Variants in RBFOX1 observed in about 807,000 individuals in gnomAD.
RBFOX1 encodes RNA binding protein fox-1 homolog 1.
RBFOX1 carries 8 observed loss-of-function variants against 57.7 expected under a neutral mutation model. The ratio of observed to expected loss-of-function variants is 0.14; its 90% confidence interval spans 0.08 to 0.25. The LOEUF is 0.25. RBFOX1 is among the 10% of genes least tolerant of loss of function. The probability of loss-of-function intolerance (pLI) is 1.00; values close to 1 mark genes in which losing one functional copy is unlikely to be tolerated. For synonymous variants in RBFOX1, 326 were observed against 222.4 expected, an observed-to-expected ratio of 1.47 and a Z score of -4.15; for missense variants, 611 against 548.5, an observed-to-expected ratio of 1.11 and a Z score of -1.14.
chr16:6,546,246 G>A (rs990338803), intron 2 of RBFOX1, among the ~76,000 whole-genome samples: 14 of 152,164 alleles, frequency 9.2e-5, no homozygotes, highest in Admixed American at 1.3e-4. Flanking sequence ...CATTTTCATG[G>A]CACTCATATC....
At chr16:5,951,038 C>G (rs2059509458) in intron 4 of RBFOX1, among the ~76,000 whole-genome samples, 1 of 152,106 alleles carries the variant, frequency 6.6e-6, no homozygotes, top group South Asian at 2.1e-4. Context: ...AGACTAATTA[C>G]CAGGTACCTC....
chr16:7,332,682 C>G, intron 4 of RBFOX1: 3 of 823,052 alleles, frequency 3.6e-6, no homozygotes, highest in South Asian at 3.2e-5. Context: ...GTCTCTCTCT[C>G]TCTCTGAGAA....
intron 4 of RBFOX1, among the ~76,000 whole-genome samples, chr16:7,340,574 C>T (rs2096873118): frequency 6.6e-6 from 1 of 152,186 alleles, no homozygotes; most frequent in Non-Finnish European, 1.5e-5. Flanking sequence ...CCAACCAGGA[C>T]ATCCAACAAC....
chr16:5,608,220 T>C (rs2047655940), intron 3 of RBFOX1, among the ~76,000 whole-genome samples: 1 of 152,178 alleles, frequency 6.6e-6, no homozygotes, highest in African/African-American at 2.4e-5. Flanking sequence ...GTGGTTGTTG[T>C]TACCCTCACT....
At chr16:6,234,706 T>C (rs536101290) in intron 1 of RBFOX1, among the ~76,000 whole-genome samples, 56 of 152,246 alleles carry the variant, frequency 3.7e-4, no homozygotes, top group Non-Finnish European at 2.1e-4. Context: ...TAGAAATGAA[T>C]ACAACAAAGG....
Position 5,321,834 on chromosome 16 carries a change from G to A in RBFOX1, c.219+81729G>A, listed in dbSNP as rs17137817. The stretch of plus-strand genomic sequence containing the variant: ...CATGACGACCAGAGTCTGGGGAGAA[G>A]ATTCTGAGCCTGTCTTCATCCAAGG... On this transcript the variant is annotated intron_variant, in intron 1 of 2. Coordinates refer to the RBFOX1 transcript ENST00000585867. Among the ~76,000 whole-genome samples the A allele has an allele frequency of 2.1e-3, 320 of 152,250 alleles. 3 individuals are homozygous for A. The highest frequency in any genetic ancestry group is 0.015 in the East Asian group (80 of 5,176).
chr16:7,370,425 T>C (rs2097545166), intron 4 of RBFOX1, among the ~76,000 whole-genome samples: 1 of 152,228 alleles, frequency 6.6e-6, no homozygotes, highest in Non-Finnish European at 1.5e-5. Flanking sequence ...TTTCCAATTA[T>C]ATCTGCCAGG....
chr16:7,058,488 G>C (rs1330181084), intron 4 of RBFOX1, among the ~76,000 whole-genome samples: 2 of 152,252 alleles, frequency 1.3e-5, no homozygotes, highest in Admixed American at 6.5e-5. Flanking sequence ...GCACTTTGTA[G>C]CCTTGTACAT....
At chr16:7,333,383 T>G (rs2096727919) in intron 4 of RBFOX1, among the ~76,000 whole-genome samples, 1 of 152,216 alleles carries the variant, frequency 6.6e-6, no homozygotes, top group African/African-American at 2.4e-5. Context: ...TTTGCTCTCC[T>G]TCTCAGCTTT....
At chr16:7,151,256 C>G (rs190706139) in intron 4 of RBFOX1, among the ~76,000 whole-genome samples, 19 of 152,316 alleles carry the variant, frequency 1.2e-4, no homozygotes, top group African/African-American at 4.6e-4. Flanking sequence ...CCACATTTTT[C>G]TTGCCTTCAC....
rs568259417 is a variant in RBFOX1 at position 7,288,923 on chromosome 16, C to T, written c.28-229224C>T. On this transcript the variant is annotated intron_variant, in intron 4 of 15. Coordinates refer to ENST00000550418, the MANE Select transcript of RBFOX1 (RefSeq NM_018723.4). ...GGACATTGGCTATGCAGGGGAACAA[C>T]ATTGGAATCGTTTGTCTGGTGAGAG... Among the ~76,000 whole-genome samples, 3 of 152,320 alleles carry T rather than the reference C, an allele frequency of 2.0e-5. No individual in the cohort carries two copies. The South Asian group carries it at 6.2e-4, about 32-fold the overall frequency.
At chr16:6,561,749 T>C (rs2097181916) in intron 2 of RBFOX1, among the ~76,000 whole-genome samples, 1 of 152,234 alleles carries the variant, frequency 6.6e-6, no homozygotes, top group Non-Finnish European at 1.5e-5. Flanking sequence ...ATTTAATTAT[T>C]GGTAACATAA....
intron 1 of RBFOX1, among the ~76,000 whole-genome samples, chr16:5,261,524 C>A (rs374452878): frequency 1.3e-5 from 2 of 150,776 alleles, no homozygotes; most frequent in Non-Finnish European, 2.9e-5. Flanking sequence ...AGGCACCCAT[C>A]CACTGACATT....
intron 2 of RBFOX1, among the ~76,000 whole-genome samples, chr16:6,426,977 T>C (rs1331240145): frequency 6.6e-6 from 1 of 152,156 alleles, no homozygotes; most frequent in East Asian, 1.9e-4. Flanking sequence ...TCTATCTCGC[T>C]GTATAATTGA....
intron 2 of RBFOX1, among the ~76,000 whole-genome samples, chr16:6,490,543 G>C (rs1399849531): frequency 6.6e-6 from 1 of 152,134 alleles, no homozygotes; most frequent in Admixed American, 6.5e-5. Context: ...GTTAGGCATA[G>C]GTATCTGCTT....
intron 4 of RBFOX1, among the ~76,000 whole-genome samples, chr16:7,379,648 G>T (rs1244506385): frequency 6.6e-6 from 1 of 152,112 alleles, no homozygotes; most frequent in Non-Finnish European, 1.5e-5. Context: ...TACATCTCAG[G>T]AGGGTTTTAG....
At chr16:6,174,106 A>G (rs1219029455) in intron 1 of RBFOX1, among the ~76,000 whole-genome samples, 1 of 152,126 alleles carries the variant, frequency 6.6e-6, no homozygotes, top group African/African-American at 2.4e-5. Context: ...GCAACTTAAC[A>G]GGTTACTGGA....
intron 1 of RBFOX1, among the ~76,000 whole-genome samples, chr16:5,370,489 AATT>A (rs1036584218): frequency 3.4e-5 from 5 of 149,248 alleles, no homozygotes; most frequent in Non-Finnish European, 7.4e-5. Context: ...CTTTTTACAA[AATT>A]ATTATTATTA....
At chr16:6,778,543 A>T (rs2079779949) in intron 3 of RBFOX1, among the ~76,000 whole-genome samples, 1 of 152,148 alleles carries the variant, frequency 6.6e-6, no homozygotes, top group South Asian at 2.1e-4. Flanking sequence ...ATCGCTGTTC[A>T]GATTTTCCCA....
Sources: allele counts gnomAD v4.1 joint callset (sites outside exome capture counted in the v4.1 genomes callset), GRCh38; gene constraint gnomAD v4.1.1; transcripts MANE v1.5; gene names NCBI Gene and HGNC (gene_info 2026-07-23, HGNC 2026-07-21).